Variants in FHAD1 observed in about 807,000 individuals in gnomAD.
FHAD1 encodes forkhead-associated domain-containing protein 1.
A neutral mutation model predicts 191.3 loss-of-function variants in FHAD1; 146 were observed. The observed-to-expected ratio is 0.76, with a 90% CI of 0.67 to 0.88. The LOEUF is 0.88. Ranked by LOEUF, FHAD1 falls within the 40% of genes least tolerant of loss-of-function variation. The pLI is 0.00. For synonymous variants in FHAD1, 616 were observed against 672.3 expected (o/e 0.92, Z 1.29); for missense variants, 1,635 against 1,785.8 (o/e 0.92, Z 1.52).
intron 10 of FHAD1, among the ~76,000 whole-genome samples, chr1:15,321,554 T>A (rs987988070): frequency 1.3e-5 from 2 of 152,240 alleles, no homozygotes; most frequent in African/African-American, 4.8e-5. Context: ...TCTCTCTATA[T>A]TTGAAACTCC....
chr1:15,289,684 C>T lies in FHAD1; in HGVS notation c.568+18C>T, dbSNP rs1417835214. ...CAAGCAAGGTATGCGTCAGGGCTGC[C>T]ATTGGTGGCTTGGGGGTGGTTCACG... On this transcript the variant is annotated intron_variant, in intron 4 of 33. Transcript: ENST00000688493. The surrounding 1 kb of genome is among the most constrained non-coding windows in gnomAD (Gnocchi z 4.2). The T allele has an allele frequency of 6.5e-7, 1 of 1,536,882 alleles. No individual in the cohort carries two copies. Among genetic ancestry groups the T allele is most frequent in the East Asian group, 2.5e-5 (1 of 40,538 alleles).
intron 16 of FHAD1, among the ~76,000 whole-genome samples, chr1:15,343,292 GC>G (rs1558168996): frequency 6.6e-6 from 1 of 152,112 alleles, no homozygotes. Flanking sequence ...GCAAAGTGCA[GC>G]CACGGTTGCG....
chr1:15,259,012 C>T (rs1573717847), intron 2 of FHAD1, among the ~76,000 whole-genome samples: 1 of 152,148 alleles, frequency 6.6e-6, no homozygotes, highest in African/African-American at 2.4e-5. Context: ...ACAGTGGCTG[C>T]ACAATTTTGC....
intron 27 of FHAD1, 42 bp from the exon 28 acceptor site, chr1:15,375,561 T>C: frequency 6.7e-7 from 1 of 1,485,868 alleles, no homozygotes; most frequent in Non-Finnish European, 8.9e-7. Flanking sequence ...AAACAACTTC[T>C]TCCTGAGCCT....
At chr1:15,392,128 A>T (rs957228392) in intron 33 of FHAD1, among the ~76,000 whole-genome samples, 1 of 152,242 alleles carries the variant, frequency 6.6e-6, no homozygotes, top group Non-Finnish European at 1.5e-5. Flanking sequence ...CTAAGAACAG[A>T]GTGATCTTCC....
chr1:15,376,871 A>G (rs1046925056), intron 28 of FHAD1, among the ~76,000 whole-genome samples: 2 of 152,152 alleles, frequency 1.3e-5, no homozygotes, highest in Admixed American at 1.3e-4. Context: ...CCCCATCTCT[A>G]CAAAAAAATT....
At chr1:15,376,077 A>T (rs865793183) in intron 28 of FHAD1, among the ~76,000 whole-genome samples, 81 of 120,056 alleles carry the variant, frequency 6.7e-4, no homozygotes, top group Middle Eastern at 4.0e-3. Context: ...TTATTTATTT[A>T]TTTTTTTATT....
chr1:15,330,208 G>A (rs971847842), intron 14 of FHAD1: 3 of 152,256 alleles, frequency 2.0e-5, no homozygotes, highest in Non-Finnish European at 2.9e-5. Context: ...TGGGCACTTA[G>A]GTGATTTCCA....
intron 4 of FHAD1, among the ~76,000 whole-genome samples, chr1:15,294,434 C>T (rs1666225517): frequency 6.6e-6 from 1 of 152,148 alleles, no homozygotes; most frequent in African/African-American, 2.4e-5. Context: ...CACTCTGTAA[C>T]CCAGGCTGGA....
intron 2 of FHAD1, among the ~76,000 whole-genome samples, chr1:15,253,546 A>G (rs977019964): frequency 2.6e-5 from 4 of 152,298 alleles, no homozygotes; most frequent in African/African-American, 9.6e-5. Flanking sequence ...CTGGATTTAT[A>G]CTTAAGTACT....
rs2253371 is a variant in FHAD1, at chr1:15,397,507, A to G, written c.*94A>G. 148,703 of 547,040 alleles carry G rather than the reference A, an allele frequency of 0.27. 21,396 individuals carry two copies. The highest frequency in any genetic ancestry group is 0.4 in the African/African-American group (21,188 of 52,368). 33.9% of individuals were successfully genotyped at this position (547,040 alleles called of 1,614,324 possible). A position where few individuals can be genotyped will look rare whatever the true frequency, so the allele number is the denominator to read the frequency against. ...GTCAAAATACTGAGTTGCTTTTGTA[A>G]GTCTTTAAAGATTGTTACCCTAGTG... On this transcript the variant is annotated 3_prime_UTR_variant, in exon 34 of 34. Coordinates refer to ENST00000688493, the MANE Select transcript of FHAD1 (RefSeq NM_001391957.1).
intron 21 of FHAD1, among the ~76,000 whole-genome samples, chr1:15,359,476 G>A (rs1693963663): frequency 6.6e-6 from 1 of 152,140 alleles, no homozygotes; most frequent in South Asian, 2.1e-4. Flanking sequence ...ACGCCAAGGG[G>A]AGCCTTAGGA....
Position 15,327,276 on chromosome 1 carries a change from T to A in FHAD1, c.1557+134T>A. 1.7e-6 allele frequency: 1 copy of A among 594,000 alleles called. No individual in the cohort carries two copies. Among genetic ancestry groups the A allele is most frequent in the Non-Finnish European group, 3.0e-6 (1 of 334,406 alleles). 36.8% of individuals were successfully genotyped at this position (594,000 alleles called of 1,614,324 possible). A position where few individuals can be genotyped will look rare whatever the true frequency, so the allele number is the denominator to read the frequency against. ...TATTTTTCACACTGTTGCTACACCA[T>A]AAAGATTTGTTTTGATTTTATGGGA... is the stretch of plus-strand genomic sequence containing the variant. On this transcript the variant is annotated intron_variant, in intron 12 of 33. Transcript: ENST00000688493. The surrounding 1 kb of genome is among the most constrained non-coding windows in gnomAD (Gnocchi z 5.1).
chr1:15,321,793 A>G (rs965089049), intron 10 of FHAD1, among the ~76,000 whole-genome samples: 8 of 152,338 alleles, frequency 5.3e-5, no homozygotes, highest in Admixed American at 1.3e-4. Flanking sequence ...GCATGTTTGC[A>G]TGCACATGTG....
intron 2 of FHAD1, among the ~76,000 whole-genome samples, chr1:15,257,178 T>C (rs925697478): frequency 1.3e-5 from 2 of 152,212 alleles, no homozygotes; most frequent in African/African-American, 4.8e-5. Flanking sequence ...TCAAAGGACA[T>C]GTATGGCTGC....
intron 5 of FHAD1, among the ~76,000 whole-genome samples, chr1:15,299,991 G>A (rs1668230794): frequency 6.6e-6 from 1 of 152,222 alleles, no homozygotes; most frequent in Non-Finnish European, 1.5e-5. Flanking sequence ...GAGCTCTCCA[G>A]GCAATGAGCT....
intron 7 of FHAD1, among the ~76,000 whole-genome samples, chr1:15,310,359 T>C (rs927423215): frequency 6.6e-6 from 1 of 152,190 alleles, no homozygotes; most frequent in African/African-American, 2.4e-5. Context: ...TAACATGGAA[T>C]GTTCTTGGAT....
At chr1:15,375,803 G>A (rs1304052110) in intron 28 of FHAD1, 73 bp downstream of exon 28, 14 of 1,422,022 alleles carry the variant, frequency 9.8e-6, no homozygotes, top group East Asian at 5.0e-5. Context: ...CACTAGCTTC[G>A]TTCCCTGGCA....
intron 10 of FHAD1, among the ~76,000 whole-genome samples, chr1:15,323,427 C>T (rs893170113): frequency 2.0e-5 from 3 of 152,162 alleles, no homozygotes; most frequent in Non-Finnish European, 4.4e-5. Context: ...AGTGAGGAAA[C>T]TGAGGCCCAG....
Sources: gnomAD v4.1 joint callset for allele counts (sites outside exome capture counted in the v4.1 genomes callset) on GRCh38, gnomAD v4.1.1 for gene constraint, Gnocchi (gnomAD v3.1) non-coding constraint, MANE v1.5 for transcripts, NCBI Gene and HGNC (gene_info 2026-07-23, HGNC 2026-07-21) for gene names.